PAX5: variants seen among roughly 807,000 people sequenced by gnomAD.
PAX5 encodes paired box protein Pax-5.
In PAX5, 9 loss-of-function variants were observed where a neutral mutation model predicts 43.7. The observed-to-expected ratio is 0.21, with a 90% CI of 0.12 to 0.36. The LOEUF (loss-of-function observed/expected upper bound fraction) is 0.36, where lower values mean the gene tolerates loss of function less well. Among genes scored for constraint, PAX5 ranks in the 10% least tolerant of loss-of-function variants. PAX5 has a pLI of 1.00. For missense variants in PAX5, 383 were observed against 532.7 expected (o/e 0.72, Z 2.77); for synonymous variants, 228 against 214.3 (o/e 1.06, Z -0.56).
At chr9:37,026,632 T>A in intron 1 of PAX5, 1 of 1,351,512 alleles carries the variant, frequency 7.4e-7, no homozygotes, top group Non-Finnish European at 9.7e-7. Context: ...GCCAAGGGGC[T>A]GCCCAGGGCG....
intron 9 of PAX5, among the ~76,000 whole-genome samples, chr9:36,841,465 C>A (rs910990364): frequency 2.0e-5 from 3 of 152,208 alleles, no homozygotes; most frequent in African/African-American, 7.2e-5. Flanking sequence ...ATCTCAGAGC[C>A]CTGTCTCCTC....
intron 8 of PAX5, among the ~76,000 whole-genome samples, chr9:36,866,244 C>A (rs190309929): frequency 1.3e-5 from 2 of 152,190 alleles, no homozygotes; most frequent in Non-Finnish European, 2.9e-5. Context: ...CAGTTGGGGT[C>A]GTGGTCAGAT....
intron 8 of PAX5, chr9:36,861,369 G>C (rs1328591398): frequency 6.6e-6 from 1 of 150,836 alleles, no homozygotes; most frequent in Admixed American, 6.6e-5. Flanking sequence ...GCAGATAACA[G>C]TCCCTGCCCT....
At chr9:36,860,648 GT>G (rs1333475742) in intron 8 of PAX5, among the ~76,000 whole-genome samples, 6 of 152,174 alleles carry the variant, frequency 3.9e-5, no homozygotes, top group Non-Finnish European at 8.8e-5. Context: ...TTGTTAAAGA[GT>G]TTCGCTAGCG....
chr9:36,987,936 GA>G (rs1174450809), intron 5 of PAX5, among the ~76,000 whole-genome samples: 2 of 152,218 alleles, frequency 1.3e-5, no homozygotes, highest in Non-Finnish European at 2.9e-5. Flanking sequence ...GTCCTTTTCA[GA>G]AAAGAGATGT....
intron 7 of PAX5, among the ~76,000 whole-genome samples, chr9:36,913,378 C>G (rs1829463329): frequency 6.6e-6 from 1 of 152,214 alleles, no homozygotes; most frequent in Non-Finnish European, 1.5e-5. Context: ...ACAGTCTGGC[C>G]CCATTCCTTT....
At chr9:36,946,071 C>A (rs1832478426) in intron 6 of PAX5, among the ~76,000 whole-genome samples, 1 of 152,120 alleles carries the variant, frequency 6.6e-6, no homozygotes, top group Non-Finnish European at 1.5e-5. Context: ...GGAAGCGACT[C>A]CCTGAGGAGT....
chr9:36,879,118 A>C (rs1021559704), intron 8 of PAX5, among the ~76,000 whole-genome samples: 2 of 152,172 alleles, frequency 1.3e-5, no homozygotes, highest in Non-Finnish European at 2.9e-5. Flanking sequence ...ACAGAGTCCC[A>C]TGGGGCCCTG....
At position 36,846,936 on chromosome 9, in the gene PAX5, A is replaced by G. The variant is rs369515008; in HGVS notation, c.1013-7T>C. On this transcript the variant is annotated splice_region_variant and splice_polypyrimidine_tract_variant and intron_variant, in intron 8 of 9. Coordinates refer to ENST00000358127, the MANE Select transcript of PAX5 (RefSeq NM_016734.3). ...CTCCCGGAAAACTCACTCCCTGTGTATGGTGGGTGGAGAGAGAAACAGGAA... is the reference window on the plus strand; with the variant it reads ...CTCCCGGAAAACTCACTCCCTGTGTGTGGTGGGTGGAGAGAGAAACAGGAA... 212 of 1,599,124 alleles carry G rather than the reference A, an allele frequency of 1.3e-4. No homozygotes were observed. The highest frequency in any genetic ancestry group is 1.6e-4 in the Non-Finnish European group (191 of 1,166,452).
In PAX5 at chr9:36,882,144, T is replaced by C. The variant is rs2277143; in HGVS notation, c.911-39A>G. The C allele has an allele frequency of 0.074, 111,162 of 1,502,454 alleles. 4,298 individuals carry two copies. Among genetic ancestry groups the C allele is most frequent in the Middle Eastern group, 0.13 (719 of 5,686 alleles). 93.1% of individuals were successfully genotyped at this position (1,502,454 alleles called of 1,614,324 possible). On this transcript the variant is annotated intron_variant, in intron 7 of 9. Coordinates refer to ENST00000358127, the MANE Select transcript of PAX5 (RefSeq NM_016734.3). This position sits in a 1 kb window ranked among gnomAD's most constrained non-coding sequence, Gnocchi z 4.4. Reference sequence around the variant, plus strand: ...GCAACAAATCACAGGGTGAGCATCTTCGCGGCCAGCCGCTCATGTCCACAG... The same window carrying C: ...GCAACAAATCACAGGGTGAGCATCTCCGCGGCCAGCCGCTCATGTCCACAG...
At chr9:36,953,231 A>G (rs749775921) in intron 6 of PAX5, among the ~76,000 whole-genome samples, 5 of 152,114 alleles carry the variant, frequency 3.3e-5, no homozygotes, top group South Asian at 2.1e-4. Flanking sequence ...TTGTTTCTCT[A>G]TAAGTAAGGT....
chr9:36,885,739 T>C (rs1826851841), intron 7 of PAX5, among the ~76,000 whole-genome samples: 1 of 152,162 alleles, frequency 6.6e-6, no homozygotes, highest in African/African-American at 2.4e-5. Context: ...AGGGAAGATG[T>C]GTGAGAAGCG....
chr9:36,892,744 T>C (rs984939738), intron 7 of PAX5, among the ~76,000 whole-genome samples: 1 of 152,222 alleles, frequency 6.6e-6, no homozygotes, highest in African/African-American at 2.4e-5. Flanking sequence ...GATAAATAAA[T>C]TATGATACTT....
chr9:36,843,080 CTG>C lies in PAX5; in HGVS notation c.1100-2446_1100-2445del, dbSNP rs557619386. On this transcript the variant is annotated intron_variant, in intron 9 of 9. Coordinates refer to ENST00000358127, the MANE Select transcript of PAX5 (RefSeq NM_016734.3). ...TATCAGTGTGTGAGCGTGTGTGTGCCTGTGTGTGTGTGCGTGTGTGTGTGTGA... is the reference window on the plus strand; with the variant it reads ...TATCAGTGTGTGAGCGTGTGTGTGCCTGTGTGTGTGCGTGTGTGTGTGTGA... Among the ~76,000 whole-genome samples the C allele has an allele frequency of 3.8e-3, 571 of 150,008 alleles. 5 individuals are homozygous for C. The highest frequency in any genetic ancestry group is 0.011 in the South Asian group (51 of 4,678).
At chr9:36,845,088 T>C (rs1168486698) in intron 9 of PAX5, among the ~76,000 whole-genome samples, 1 of 152,366 alleles carries the variant, frequency 6.6e-6, no homozygotes, top group East Asian at 1.9e-4. Context: ...CCTTGGGCAG[T>C]GCAGTCATGT....
chr9:36,928,392 C>T (rs4880039), intron 6 of PAX5, among the ~76,000 whole-genome samples: 7 of 151,860 alleles, frequency 4.6e-5, no homozygotes, highest in African/African-American at 1.5e-4. Flanking sequence ...GAACTCCACA[C>T]TCCTACAAAG....
rs1025057817 is a variant in PAX5, at chr9:36,930,908, G to A, written c.781-7424C>T. On this transcript the variant is annotated intron_variant, in intron 6 of 9. Coordinates refer to ENST00000358127, the MANE Select transcript of PAX5 (RefSeq NM_016734.3). ...ATTACCTGGAAAAGGACTGCCTGGGGCTGCACCAAGTATTGTCTCATCAGC... is the reference window on the plus strand; with the variant it reads ...ATTACCTGGAAAAGGACTGCCTGGGACTGCACCAAGTATTGTCTCATCAGC... 11 of 1,220,898 alleles carry A rather than the reference G, an allele frequency of 9.0e-6. No individual in the cohort carries two copies. In the Middle Eastern group the frequency reaches 6.4e-4, roughly 71 times the overall value. 75.6% of individuals were successfully genotyped at this position (1,220,898 alleles called of 1,614,324 possible).
intron 8 of PAX5, among the ~76,000 whole-genome samples, chr9:36,873,134 T>C (rs1201134494): frequency 1.3e-5 from 2 of 152,226 alleles, no homozygotes; most frequent in African/African-American, 2.4e-5. Context: ...CCCTGATTTC[T>C]CCCACTCCAC....
intron 5 of PAX5, among the ~76,000 whole-genome samples, chr9:36,980,082 G>A (rs7032632): frequency 0.014 from 2,084 of 152,290 alleles, 42 homozygotes; most frequent in African/African-American, 0.046. Flanking sequence ...CTGTCAACAT[G>A]GCCCAATGCA....
Sources: allele counts gnomAD v4.1 joint callset (sites outside exome capture counted in the v4.1 genomes callset), GRCh38; gene constraint gnomAD v4.1.1; non-coding constraint Gnocchi (gnomAD v3.1); transcripts MANE v1.5; gene names NCBI Gene and HGNC (gene_info 2026-07-23, HGNC 2026-07-21).